KIF2A: variants seen among roughly 807,000 people sequenced by gnomAD.
The protein encoded by KIF2A is kinesin family member 2A, also known as kinesin-like protein KIF2A.
In KIF2A, 22 loss-of-function variants were observed where a neutral mutation model predicts 100.2. The observed-to-expected ratio is 0.22, with a 90% confidence interval of 0.16 to 0.31. The LOEUF (loss-of-function observed/expected upper bound fraction) is 0.31. Ranked by LOEUF, KIF2A falls within the 10% of genes least tolerant of loss-of-function variation. KIF2A has a pLI of 1.00. For synonymous variants in KIF2A, 268 were observed against 285.9 expected, an observed-to-expected ratio of 0.94 and a Z score of 0.63; for missense variants, 495 against 898.7, an observed-to-expected ratio of 0.55 and a Z score of 5.74.
rs1742064885 is a variant in KIF2A, at chr5:62,387,088, A to T, written c.*1519A>T. On this transcript the variant is annotated 3_prime_UTR_variant, in exon 21 of 21. Transcript: ENST00000407818. ...AAAACCCAGAGAGTAGTTGTGAAAG[A>T]TCCTAATACAATTGTGAAAAGCTCT... 6.6e-6 allele frequency among the ~76,000 whole-genome samples: 1 copy of T among 152,220 alleles called. No individual in the cohort carries two copies. Among genetic ancestry groups the T allele is most frequent in the South Asian group, 2.1e-4 (1 of 4,836 alleles).
intron 1 of KIF2A, among the ~76,000 whole-genome samples, 170 bp downstream of exon 1, chr5:62,306,706 G>A (rs1389811343): frequency 6.6e-6 from 1 of 152,136 alleles, no homozygotes; most frequent in Non-Finnish European, 1.5e-5. Flanking sequence ...GGCCGGCTTG[G>A]GGTCCGCCCG....
At chr5:62,313,322 G>A (rs1232451247) in intron 1 of KIF2A, among the ~76,000 whole-genome samples, 3 of 152,028 alleles carry the variant, frequency 2.0e-5, no homozygotes, top group Admixed American at 6.6e-5. Flanking sequence ...ACCAATATCC[G>A]TGATCCCTCA....
intron 1 of KIF2A, among the ~76,000 whole-genome samples, chr5:62,341,026 TA>T (rs1481037632): frequency 2.0e-5 from 3 of 151,996 alleles, no homozygotes; most frequent in African/African-American, 7.2e-5. Context: ...GTTATCTGAT[TA>T]ATTGGCAAAA....
rs113580902 is a variant in KIF2A at position 62,362,569 on chromosome 5, T to A, written c.1119+28T>A. The A allele has an allele frequency of 0.011, 10,980 of 1,039,540 alleles. 653 individuals carry two copies. In the African/African-American group the frequency reaches 0.15, roughly 14 times the overall value. 64.4% of individuals were successfully genotyped at this position (1,039,540 alleles called of 1,614,324 possible). ...AAGTGGGAACTTTTTTAATTTTAAT[T>A]TTTTAAAATATATATATAACATAAC... On this transcript the variant is annotated intron_variant, in intron 12 of 20. Transcript: ENST00000407818.
chr5:62,316,897 T>A (rs1054288133), intron 1 of KIF2A, among the ~76,000 whole-genome samples: 23 of 152,212 alleles, frequency 1.5e-4, no homozygotes, highest in African/African-American at 4.8e-4. Context: ...AATTATAATT[T>A]ATGAATGAGG....
rs141134232 is a variant in KIF2A, at chr5:62,341,703, C to T, written c.65-5427C>T. 2.4e-3 allele frequency among the ~76,000 whole-genome samples: 366 copies of T among 152,182 alleles called. 2 individuals are homozygous for T. Among genetic ancestry groups the T allele is most frequent in the African/African-American group, 8.4e-3 (349 of 41,520 alleles). ...ACCTGTAGTCCTGGTACGAATTTTG[C>T]TCCACCGGCCCACCTTTTTTTCGCA... is the stretch of plus-strand genomic sequence containing the variant. On this transcript the variant is annotated intron_variant, in intron 1 of 20. Transcript: ENST00000407818.
chr5:62,307,662 G>A (rs1579988906), intron 1 of KIF2A, among the ~76,000 whole-genome samples: 1 of 149,762 alleles, frequency 6.7e-6, no homozygotes, highest in African/African-American at 2.5e-5. Flanking sequence ...TTTTCACCCA[G>A]GCTGGAGTGC....
intron 6 of KIF2A, among the ~76,000 whole-genome samples, chr5:62,353,722 G>C (rs751352165): frequency 6.6e-6 from 1 of 152,072 alleles, no homozygotes; most frequent in Non-Finnish European, 1.5e-5. Context: ...CCCAGTTAAA[G>C]TGCATGATTA....
chr5:62,374,351 A>G (rs769996249), intron 18 of KIF2A, among the ~76,000 whole-genome samples: 3 of 152,208 alleles, frequency 2.0e-5, no homozygotes, highest in East Asian at 1.9e-4. Flanking sequence ...CTTACCTACC[A>G]TAACAGCAGT....
chr5:62,331,762 G>GAAAAAAA (rs11418837), intron 1 of KIF2A, among the ~76,000 whole-genome samples: 1 of 142,652 alleles, frequency 7.0e-6, no homozygotes, highest in Non-Finnish European at 1.5e-5. Context: ...AAATAGAAAC[G>GAAAAAAA]AAAAAAAAAA....
intron 2 of KIF2A, 76 bp from the exon 3 acceptor site, chr5:62,347,972 A>G: frequency 6.7e-7 from 1 of 1,484,536 alleles, no homozygotes; most frequent in South Asian, 1.2e-5. Flanking sequence ...TATTTACTTC[A>G]TCAATTTACT....
intron 17 of KIF2A, among the ~76,000 whole-genome samples, chr5:62,372,869 A>G (rs1741382229): frequency 6.6e-6 from 1 of 152,208 alleles, no homozygotes; most frequent in Non-Finnish European, 1.5e-5. Flanking sequence ...CTTGCTTAAA[A>G]TGAAGAGATT....
chr5:62,337,980 C>T (rs186077083), intron 1 of KIF2A, among the ~76,000 whole-genome samples: 1 of 152,182 alleles, frequency 6.6e-6, no homozygotes, highest in Admixed American at 6.5e-5. Flanking sequence ...ACTTCACAAG[C>T]TGATTCTAAA....
At chr5:62,377,813 A>C (rs1389753603) in intron 19 of KIF2A, 51 bp downstream of exon 19, 1 of 960,158 alleles carries the variant, frequency 1.0e-6, no homozygotes, top group Non-Finnish European at 1.6e-6. Flanking sequence ...ATAAATTAAG[A>C]ATTTGTCATA....
At chr5:62,337,351 G>C (rs948063871) in intron 1 of KIF2A, among the ~76,000 whole-genome samples, 4 of 152,024 alleles carry the variant, frequency 2.6e-5, no homozygotes, top group Non-Finnish European at 5.9e-5. Context: ...AATTAGCAAG[G>C]TGTGGTGGCG....
intron 20 of KIF2A, among the ~76,000 whole-genome samples, chr5:62,382,055 A>G (rs1282829175): frequency 6.6e-6 from 1 of 152,108 alleles, no homozygotes; most frequent in Non-Finnish European, 1.5e-5. Flanking sequence ...GGCTTTGTTT[A>G]GGTGTGAGTG....
chr5:62,382,436 G>C (rs1413923827), intron 20 of KIF2A, among the ~76,000 whole-genome samples: 2 of 152,022 alleles, frequency 1.3e-5, no homozygotes, highest in Non-Finnish European at 2.9e-5. Context: ...GTGAGATCCT[G>C]TCTCAAAAAA....
chr5:62,363,593 A>G, intron 13 of KIF2A, 102 bp from the exon 14 acceptor site: 6 of 1,034,284 alleles, frequency 5.8e-6, no homozygotes, highest in Non-Finnish European at 8.6e-6. Flanking sequence ...AAAACTAGCT[A>G]AATCGATGTT....
At chr5:62,337,024 CAAT>C (rs1439274199) in intron 1 of KIF2A, among the ~76,000 whole-genome samples, 4 of 151,780 alleles carry the variant, frequency 2.6e-5, no homozygotes, top group African/African-American at 9.7e-5. Flanking sequence ...ATTATGAAAA[CAAT>C]AAAAACTAAT....
Sources: gnomAD v4.1 joint callset for allele counts (sites outside exome capture counted in the v4.1 genomes callset) on GRCh38, gnomAD v4.1.1 for gene constraint, MANE v1.5 for transcripts, NCBI Gene and HGNC (gene_info 2026-07-23, HGNC 2026-07-21) for gene names.